Variants in RAPGEF2 observed in about 807,000 individuals in gnomAD.
RAPGEF2 encodes the protein PDZ domain containing guanine nucleotide exchange factor (GEF) 1.
In RAPGEF2, 54 loss-of-function variants were observed where a neutral mutation model predicts 186.7. The ratio of observed to expected loss-of-function variants is 0.29; its 90% CI spans 0.23 to 0.36. The LOEUF is 0.36. Ranked by LOEUF, RAPGEF2 falls within the 10% of genes least tolerant of loss-of-function variation. The probability of loss-of-function intolerance (pLI) is 1.00; values close to 1 mark genes in which losing one functional copy is unlikely to be tolerated. For missense variants in RAPGEF2, 1,532 were observed against 2,045.0 expected (o/e 0.75, Z 4.84); for synonymous variants, 712 against 705.9 (o/e 1.01, Z -0.14).
At chr4:159,171,311 A>G (rs1745881976) in intron 1 of RAPGEF2, among the ~76,000 whole-genome samples, 2 of 152,210 alleles carry the variant, frequency 1.3e-5, no homozygotes, top group South Asian at 4.1e-4. Flanking sequence ...GCCAGTGTTC[A>G]TAAAAGAAAG....
At chr4:159,310,051 TATA>T (rs1259162484) in intron 8 of RAPGEF2, among the ~76,000 whole-genome samples, 1 of 152,166 alleles carries the variant, frequency 6.6e-6, no homozygotes, top group East Asian at 1.9e-4. Flanking sequence ...AAAGTCAGAA[TATA>T]ACTGATTTAC....
At chr4:159,197,276 T>C (rs1290850909) in intron 3 of RAPGEF2, among the ~76,000 whole-genome samples, 2 of 152,272 alleles carry the variant, frequency 1.3e-5, no homozygotes, top group Non-Finnish European at 2.9e-5. Flanking sequence ...TAGTACACCA[T>C]GGAAACTGAT....
intron 2 of RAPGEF2, among the ~76,000 whole-genome samples, chr4:159,187,133 T>C (rs1468832535): frequency 6.6e-6 from 1 of 152,238 alleles, no homozygotes; most frequent in African/African-American, 2.4e-5. Context: ...CTAGGTCCTA[T>C]ACTAAGGAGC....
chr4:159,300,841 T>C (rs1762573082), intron 7 of RAPGEF2, among the ~76,000 whole-genome samples: 1 of 152,208 alleles, frequency 6.6e-6, no homozygotes, highest in Non-Finnish European at 1.5e-5. Flanking sequence ...TGTGTTTCCC[T>C]GATGGCCTTG....
intron 16 of RAPGEF2, 84 bp from the exon 17 acceptor site, chr4:159,332,367 T>C: frequency 7.1e-7 from 1 of 1,406,930 alleles, no homozygotes; most frequent in Admixed American, 2.1e-5. Flanking sequence ...TTCTCATATA[T>C]TTCCAAGTTC....
intron 1 of RAPGEF2, among the ~76,000 whole-genome samples, chr4:159,122,038 C>CAAAAAAA (rs70962654): frequency 7.2e-4 from 37 of 51,428 alleles, no homozygotes; most frequent in African/African-American, 9.1e-4. Context: ...GACTCCATCT[C>CAAAAAAA]AAAAAAAAAA....
At chr4:159,201,509 G>A (rs568253349) in intron 3 of RAPGEF2, among the ~76,000 whole-genome samples, 1 of 152,302 alleles carries the variant, frequency 6.6e-6, no homozygotes, top group Non-Finnish European at 1.5e-5. Context: ...AAAGGATAGA[G>A]GATAATTTGT....
At chr4:159,251,181 C>A (rs1002487708) in intron 7 of RAPGEF2, among the ~76,000 whole-genome samples, 4 of 152,346 alleles carry the variant, frequency 2.6e-5, no homozygotes, top group East Asian at 3.9e-4. Context: ...TGGGGCAGGG[C>A]TCGGGACCTG....
At chr4:159,183,858 A>G (rs1387190826) in intron 1 of RAPGEF2, among the ~76,000 whole-genome samples, 1 of 152,144 alleles carries the variant, frequency 6.6e-6, no homozygotes, top group African/African-American at 2.4e-5. Flanking sequence ...CGTCATTTAC[A>G]TTAGGTATAT....
chr4:159,160,893 A>T (rs777239017), intron 1 of RAPGEF2, among the ~76,000 whole-genome samples: 2 of 152,176 alleles, frequency 1.3e-5, no homozygotes, highest in Non-Finnish European at 1.5e-5. Context: ...AATTTCTTCT[A>T]TAGCTTTGTC....
At chr4:159,266,790 T>G (rs1012049641) in intron 7 of RAPGEF2, 3 of 163,566 alleles carry the variant, frequency 1.8e-5, no homozygotes, top group Non-Finnish European at 4.1e-5. Context: ...TCACATTGAT[T>G]CCTTTATCTT....
rs758453031 is a variant in RAPGEF2 at position 159,345,253 on chromosome 4, T to C, written c.3426T>C (p.Leu1142=). The change falls in exon 24 of 30, where the codon CTT becomes CTC. Residue 1142 remains leucine (L), a synonymous_variant. Coordinates refer to ENST00000691494, the MANE Select transcript of RAPGEF2 (RefSeq NM_001394067.2). The part of the protein sequence containing the change: ...AQMARKVKQY[L]SNLELEMDEE... The stretch of plus-strand genomic sequence containing the variant: ...TGGCTCGAAAAGTGAAGCAGTACCT[T>C]TCCAATTTGGAGCTAGAAATGGACG... 2 of 1,614,194 alleles carry C rather than the reference T, an allele frequency of 1.2e-6. No homozygotes were observed. Among genetic ancestry groups the C allele is most frequent in the South Asian group, 2.2e-5 (2 of 91,082 alleles).
Position 159,330,487 on chromosome 4 carries a change from C to T in RAPGEF2, c.1456C>T (p.Leu486Phe). Residue 486 changes from leucine to phenylalanine, a missense_variant, in exon 13 of 30, where the codon CTC becomes TTC. Transcript: ENST00000691494. ...ATTGGAGTGGTTTAATGACCCGAGC[C>T]TCAGGGATAAGGTTGGAAATATATT... ...KLLEWFNDPS[L>F]RDKVTRVVLL... is the part of the protein sequence containing the mutation. The T allele has an allele frequency of 6.2e-7, 1 of 1,602,016 alleles. No individual in the cohort carries two copies. The highest frequency in any genetic ancestry group is 8.5e-7 in the Non-Finnish European group (1 of 1,176,714).
intron 2 of RAPGEF2, among the ~76,000 whole-genome samples, chr4:159,187,770 A>G (rs1747704522): frequency 1.3e-5 from 2 of 152,192 alleles, no homozygotes; most frequent in South Asian, 2.1e-4. Context: ...ATAAACACCA[A>G]CTAGGACATA....
chr4:159,333,163 A>G (rs1579977421), intron 17 of RAPGEF2, among the ~76,000 whole-genome samples: 1 of 151,936 alleles, frequency 6.6e-6, no homozygotes, highest in South Asian at 2.1e-4. Context: ...TATTTTTAGT[A>G]GAGACGGGGT....
intron 5 of RAPGEF2, chr4:159,240,985 A>C: frequency 2.2e-6 from 1 of 459,148 alleles, no homozygotes. Flanking sequence ...TATTGTCCTA[A>C]GTGGAACTGA....
intron 26 of RAPGEF2, 36 bp from the exon 27 acceptor site, chr4:159,352,649 G>A (rs1731357387): frequency 6.6e-7 from 1 of 1,511,172 alleles, no homozygotes; most frequent in African/African-American, 1.4e-5. Context: ...TATAAACCTA[G>A]AGAGTCTAAT....
intron 1 of RAPGEF2, among the ~76,000 whole-genome samples, chr4:159,155,381 C>G (rs1744006002): frequency 6.6e-6 from 1 of 152,176 alleles, no homozygotes; most frequent in Non-Finnish European, 1.5e-5. Context: ...AAAATTGATT[C>G]TTCAGGCATT....
At chr4:159,340,903 C>A (rs146743850) in intron 19 of RAPGEF2, among the ~76,000 whole-genome samples, 7 of 152,118 alleles carry the variant, frequency 4.6e-5, no homozygotes, top group African/African-American at 1.7e-4. Context: ...ATTTTGGCAC[C>A]GGCATTAACT....
Sources: allele counts gnomAD v4.1 joint callset (sites outside exome capture counted in the v4.1 genomes callset), GRCh38; gene constraint gnomAD v4.1.1; transcripts MANE v1.5; gene names NCBI Gene and HGNC (gene_info 2026-07-23, HGNC 2026-07-21).